BMPR2: variants seen among roughly 807,000 people sequenced by gnomAD.
BMPR2 encodes bone morphogenetic protein receptor type-2.
A neutral mutation model predicts 100.8 loss-of-function variants in BMPR2; 29 were observed. The observed-to-expected ratio is 0.29, with a 90% CI of 0.21 to 0.39. The LOEUF is 0.39. Ranked by LOEUF, BMPR2 falls within the 10% of genes least tolerant of loss-of-function variation. BMPR2 has a pLI of 1.00. For synonymous variants in BMPR2, 382 were observed against 442.3 expected (o/e 0.86, Z 1.71); for missense variants, 1,011 against 1,274.5 (o/e 0.79, Z 3.15).
intron 1 of BMPR2, among the ~76,000 whole-genome samples, chr2:202,413,671 CTT>C (rs111949747): frequency 2.7e-5 from 4 of 146,716 alleles, no homozygotes; most frequent in African/African-American, 2.5e-5. Flanking sequence ...AATTATATTA[CTT>C]TTTTTTTTTG....
intron 3 of BMPR2, chr2:202,505,250 G>A (rs1687496027): frequency 6.6e-6 from 1 of 151,004 alleles, no homozygotes; most frequent in African/African-American, 2.4e-5. Context: ...GGGGACTTCT[G>A]ATTAGGACTT....
At chr2:202,442,373 CTT>C (rs962878428) in intron 1 of BMPR2, among the ~76,000 whole-genome samples, 1 of 150,364 alleles carries the variant, frequency 6.7e-6, no homozygotes, top group African/African-American at 2.5e-5. Context: ...AAATTGTAGT[CTT>C]TTGTGATTAA....
At chr2:202,421,462 C>CTT (rs11300022) in intron 1 of BMPR2, among the ~76,000 whole-genome samples, 10 of 140,806 alleles carry the variant, frequency 7.1e-5, no homozygotes, top group Admixed American at 4.3e-4. Context: ...CCGCCCCCAC[C>CTT]TTTTTTTTTT....
At chr2:202,489,287 G>A (rs1188759851) in intron 3 of BMPR2, among the ~76,000 whole-genome samples, 1 of 152,288 alleles carries the variant, frequency 6.6e-6, no homozygotes, top group East Asian at 1.9e-4. Flanking sequence ...ACAGGCGTGA[G>A]CCACCACGCC....
intron 1 of BMPR2, among the ~76,000 whole-genome samples, chr2:202,411,809 C>T (rs1691017681): frequency 6.6e-6 from 1 of 152,106 alleles, no homozygotes; most frequent in African/African-American, 2.4e-5. Context: ...GAGGAACATT[C>T]TACAAGATAA....
chr2:202,525,469 T>C (rs966715250), intron 7 of BMPR2, among the ~76,000 whole-genome samples: 2 of 152,138 alleles, frequency 1.3e-5, no homozygotes, highest in Non-Finnish European at 2.9e-5. Context: ...AGTGCTGGGA[T>C]TACAGGCATG....
At chr2:202,541,810 C>T (rs1688280834) in intron 9 of BMPR2, among the ~76,000 whole-genome samples, 1 of 152,148 alleles carries the variant, frequency 6.6e-6, no homozygotes, top group Non-Finnish European at 1.5e-5. Flanking sequence ...CTAAGCAAAA[C>T]ATTCATTAAT....
Position 202,563,391 on chromosome 2 carries a change from C to G in BMPR2, c.*3445C>G, listed in dbSNP as rs776241309. ...GGTGGAGGTTGCAGTGAGCTGAGAT[C>G]GCGCCACTGCACTGCAGCCTAGGCG... is the stretch of plus-strand genomic sequence containing the variant. On this transcript the variant is annotated 3_prime_UTR_variant, in exon 13 of 13. Transcript: ENST00000374580. The G allele has an allele frequency of 2.6e-5, 4 of 151,996 alleles. No individual in the cohort carries two copies. The highest frequency in any genetic ancestry group is 9.7e-5 in the African/African-American group (4 of 41,358). 9.4% of individuals were successfully genotyped at this position (151,996 alleles called of 1,614,324 possible). A position where few individuals can be genotyped will look rare whatever the true frequency, so the allele number is the denominator to read the frequency against.
At chr2:202,498,419 G>C (rs1427917939) in intron 3 of BMPR2, among the ~76,000 whole-genome samples, 1 of 152,166 alleles carries the variant, frequency 6.6e-6, no homozygotes, top group African/African-American at 2.4e-5. Flanking sequence ...GCAGGTTCTT[G>C]GGCAGGGGTT....
chr2:202,494,513 A>G (rs1692976511), intron 3 of BMPR2, among the ~76,000 whole-genome samples: 1 of 152,270 alleles, frequency 6.6e-6, no homozygotes, highest in South Asian at 2.1e-4. Flanking sequence ...CCAATGAGAC[A>G]GACAGAGGTT....
chr2:202,420,369 C>T (rs1192953962), intron 1 of BMPR2, among the ~76,000 whole-genome samples: 1 of 151,794 alleles, frequency 6.6e-6, no homozygotes, highest in African/African-American at 2.4e-5. Flanking sequence ...TACAGAGAAA[C>T]TGTGAATTTT....
chr2:202,402,416 C>T (rs143795388), intron 1 of BMPR2, among the ~76,000 whole-genome samples: 325 of 152,208 alleles, frequency 2.1e-3, no homozygotes, highest in Non-Finnish European at 3.7e-3. Flanking sequence ...ACTCAGGAGG[C>T]TGAGGCAGGA....
chr2:202,428,296 C>A (rs959800428), intron 1 of BMPR2, among the ~76,000 whole-genome samples: 2 of 151,996 alleles, frequency 1.3e-5, no homozygotes, highest in African/African-American at 4.8e-5. Context: ...CCTTGTCATA[C>A]TGTCAGAGTC....
At chr2:202,488,492 T>A (rs1445965057) in intron 3 of BMPR2, among the ~76,000 whole-genome samples, 2 of 152,178 alleles carry the variant, frequency 1.3e-5, no homozygotes, top group Non-Finnish European at 2.9e-5. Flanking sequence ...AGGTTCTCAC[T>A]CTGTCTCCCA....
At chr2:202,379,760 G>A (rs993052223) in intron 1 of BMPR2, among the ~76,000 whole-genome samples, 2 of 152,102 alleles carry the variant, frequency 1.3e-5, no homozygotes, top group African/African-American at 2.4e-5. Context: ...ATCCTTTTTC[G>A]GGGTCATGGA....
intron 1 of BMPR2, among the ~76,000 whole-genome samples, chr2:202,382,382 G>C (rs1363402734): frequency 6.6e-6 from 1 of 151,852 alleles, no homozygotes; most frequent in Non-Finnish European, 1.5e-5. Context: ...GTAGAGATGG[G>C]GTTTCACCAT....
At chr2:202,536,425 T>C (rs577240604) in intron 9 of BMPR2, among the ~76,000 whole-genome samples, 2 of 152,276 alleles carry the variant, frequency 1.3e-5, no homozygotes, top group Non-Finnish European at 2.9e-5. Flanking sequence ...AACATTAGTT[T>C]GTAATTCAAA....
intron 1 of BMPR2, among the ~76,000 whole-genome samples, chr2:202,389,545 A>AC (rs1352205603): frequency 2.2e-4 from 33 of 151,234 alleles, no homozygotes; most frequent in African/African-American, 8.0e-4. Flanking sequence ...AAAAAAAAAA[A>AC]GACTTGTTTT....
intron 1 of BMPR2, among the ~76,000 whole-genome samples, chr2:202,427,791 A>C (rs1291616728): frequency 6.6e-6 from 1 of 152,138 alleles, no homozygotes; most frequent in Non-Finnish European, 1.5e-5. Flanking sequence ...CAGCTTGGGC[A>C]ACATGGCCAA....
Sources: gnomAD v4.1 joint callset for allele counts (sites outside exome capture counted in the v4.1 genomes callset) on GRCh38, gnomAD v4.1.1 for gene constraint, MANE v1.5 for transcripts, NCBI Gene and HGNC (gene_info 2026-07-23, HGNC 2026-07-21) for gene names.